Variants in VGLL1 observed in about 807,000 individuals in gnomAD.
VGLL1 encodes the protein vestigial like family member 1.
In VGLL1, 4 loss-of-function variants were observed where a neutral mutation model predicts 12.0. The observed-to-expected ratio is 0.33, with a 90% confidence interval of 0.16 to 0.76. The LOEUF (loss-of-function observed/expected upper bound fraction) is 0.76. Among genes scored for constraint, VGLL1 ranks in the 30% least tolerant of loss-of-function variants. VGLL1 has a pLI of 0.60. For synonymous variants in VGLL1, 87 were observed against 81.2 expected, an observed-to-expected ratio of 1.07 and a Z score of -0.39; for missense variants, 204 against 208.7, an observed-to-expected ratio of 0.98 and a Z score of 0.14.
At chrX:136,550,710 C>A in intron 3 of VGLL1, 58 bp from the exon 4 acceptor site, 1 of 1,046,210 alleles carries the variant, frequency 9.6e-7, no homozygotes, top group Non-Finnish European at 1.3e-6. Context: ...CTACTGGGCA[C>A]TCTCTAACCT....
intron 2 of VGLL1, among the ~76,000 whole-genome samples, chrX:136,543,409 T>C (rs1043607122): frequency 1.8e-5 from 2 of 111,903 alleles, no homozygotes; most frequent in Non-Finnish European, 3.8e-5. Flanking sequence ...GTGCAGATCA[T>C]GCAGGCCAAG....
chrX:136,549,580 T>C (rs2075879856), intron 3 of VGLL1, among the ~76,000 whole-genome samples: 1 of 110,352 alleles, frequency 9.1e-6, no homozygotes, highest in Non-Finnish European at 1.9e-5. Flanking sequence ...GGGATCCTCC[T>C]GCTTGGTTTC....
At chrX:136,544,778 C>T (rs1045060418) in intron 2 of VGLL1, among the ~76,000 whole-genome samples, 1 of 112,250 alleles carries the variant, frequency 8.9e-6, no homozygotes, top group African/African-American at 3.2e-5. Flanking sequence ...TGAAATCCCT[C>T]TTTTATAACC....
At chrX:136,548,357 A>G (rs1487540012) in intron 2 of VGLL1, among the ~76,000 whole-genome samples, 2 of 111,755 alleles carry the variant, frequency 1.8e-5, no homozygotes, top group Non-Finnish European at 3.8e-5. Flanking sequence ...AATGGCTTGA[A>G]TAACAATATA....
At chrX:136,534,685 G>A (rs1436695678) in intron 1 of VGLL1, among the ~76,000 whole-genome samples, 1 of 112,071 alleles carries the variant, frequency 8.9e-6, no homozygotes, top group African/African-American at 3.2e-5. Flanking sequence ...TGAGATTGCT[G>A]GGTCACAAGA....
Position 136,542,187 on chromosome X carries a change from G to A in VGLL1, c.214+5953G>A, listed in dbSNP as rs144332771. On this transcript the variant is annotated intron_variant, in intron 2 of 4. Transcript: ENST00000370634. The stretch of plus-strand genomic sequence containing the variant: ...CTCCCATCTGCCATAATCAGTAAGG[G>A]TAGGGAAGAAATGCTGGCTTTTTTT... 4.3e-3 allele frequency among the ~76,000 whole-genome samples: 459 copies of A among 106,990 alleles called. 1 individual carries two copies. The highest frequency in any genetic ancestry group is 7.7e-3 in the Admixed American group (77 of 10,015). 92.9% of individuals were successfully genotyped at this position (106,990 alleles called of 115,157 possible).
At chrX:136,532,613 CTTTCTTTCTTTCT>C (rs1277215301) in intron 1 of VGLL1, among the ~76,000 whole-genome samples, 8 of 89,466 alleles carry the variant, frequency 8.9e-5, no homozygotes, top group African/African-American at 3.3e-4. Context: ...TTCTTTCTTT[CTTTCTTTCTTTCT>C]TTCTTTCTTT....
At chrX:136,545,781 T>C (rs1420224337) in intron 2 of VGLL1, among the ~76,000 whole-genome samples, 1 of 110,653 alleles carries the variant, frequency 9.0e-6, no homozygotes, top group Non-Finnish European at 1.9e-5. Flanking sequence ...TTTTCTAGAG[T>C]GTTCTGGGGC....
chrX:136,537,986 A>C (rs1156347454), intron 2 of VGLL1, among the ~76,000 whole-genome samples: 1 of 111,912 alleles, frequency 8.9e-6, no homozygotes, highest in East Asian at 2.8e-4. Context: ...CTAATAGTGC[A>C]TGGTTTGGTG....
intron 4 of VGLL1, among the ~76,000 whole-genome samples, chrX:136,553,306 C>CTTTTT (rs1226003954): frequency 5.5e-5 from 4 of 72,395 alleles, no homozygotes; most frequent in South Asian, 7.8e-4. Context: ...ATGTTTTATT[C>CTTTTT]TTTTTTTTTT....
intron 2 of VGLL1, among the ~76,000 whole-genome samples, chrX:136,544,305 T>C (rs370577356): frequency 8.9e-6 from 1 of 112,550 alleles, no homozygotes; most frequent in African/African-American, 3.2e-5. Flanking sequence ...ACATGCATCA[T>C]TGACTATATC....
At chrX:136,532,656 TCTTTC>T (rs1475396560) in intron 1 of VGLL1, among the ~76,000 whole-genome samples, 4 of 97,561 alleles carry the variant, frequency 4.1e-5, no homozygotes, top group African/African-American at 1.5e-4. Flanking sequence ...TTTCTTTCTT[TCTTTC>T]TTTTTCTTTC....
intron 4 of VGLL1, among the ~76,000 whole-genome samples, chrX:136,554,968 G>T (rs1234658499): frequency 8.9e-6 from 1 of 112,232 alleles, no homozygotes; most frequent in East Asian, 2.8e-4. Context: ...TAAGGCCATT[G>T]GATGTGATCA....
intron 2 of VGLL1, 117 bp downstream of exon 2, chrX:136,536,351 C>T (rs1603308105): frequency 6.8e-6 from 5 of 731,448 alleles, no homozygotes; most frequent in African/African-American, 4.2e-5. Flanking sequence ...AGGCAAGTTG[C>T]TCTGACTAGT....
At chrX:136,539,910 C>T (rs1460483582) in intron 2 of VGLL1, among the ~76,000 whole-genome samples, 1 of 111,802 alleles carries the variant, frequency 8.9e-6, no homozygotes, top group Non-Finnish European at 1.9e-5. Context: ...TAAATGGGAG[C>T]TGCACCCTTC....
At chrX:136,536,803 C>G (rs2075841121) in intron 2 of VGLL1, among the ~76,000 whole-genome samples, 1 of 112,148 alleles carries the variant, frequency 8.9e-6, no homozygotes, top group Non-Finnish European at 1.9e-5. Flanking sequence ...CATCTAGAAA[C>G]AGTGACTGTG....
intron 3 of VGLL1, 60 bp downstream of exon 3, chrX:136,549,068 A>C (rs1279316181): frequency 2.7e-6 from 3 of 1,113,372 alleles, no homozygotes; most frequent in Non-Finnish European, 3.6e-6. Context: ...GTTGAGAGTG[A>C]GTTGGCATGA....
At chrX:136,547,538 C>T (rs1326693433) in intron 2 of VGLL1, among the ~76,000 whole-genome samples, 1 of 112,090 alleles carries the variant, frequency 8.9e-6, no homozygotes, top group East Asian at 2.8e-4. Flanking sequence ...GCTCACTTCC[C>T]TTCTTGGCTA....
intron 4 of VGLL1, among the ~76,000 whole-genome samples, chrX:136,552,960 A>C (rs1350173856): frequency 3.6e-5 from 4 of 111,862 alleles, no homozygotes; most frequent in African/African-American, 1.3e-4. Flanking sequence ...AAGAGCAAAG[A>C]AAAATATACC....
Sources: allele counts gnomAD v4.1 joint callset (sites outside exome capture counted in the v4.1 genomes callset), GRCh38; gene constraint gnomAD v4.1.1; transcripts MANE v1.5; gene names NCBI Gene and HGNC (gene_info 2026-07-23, HGNC 2026-07-21).